The following SBNO1 variants were observed in gnomAD, a reference collection of about 807,000 sequenced individuals.
SBNO1 encodes strawberry notch homolog 1, also known as protein strawberry notch homolog 1.
In SBNO1, 23 loss-of-function variants were observed where a neutral mutation model predicts 173.6. That is an observed-to-expected ratio of 0.13 (90% CI 0.10 to 0.19). The LOEUF (loss-of-function observed/expected upper bound fraction) is 0.19. SBNO1 is among the 10% of genes least tolerant of loss of function. The pLI is 1.00. For synonymous variants in SBNO1, 632 were observed against 571.5 expected (o/e 1.11, Z -1.51); for missense variants, 1,238 against 1,671.2 (o/e 0.74, Z 4.52).
At chr12:123,304,128 G>A (rs1246755149) in intron 29 of SBNO1, among the ~76,000 whole-genome samples, 6 of 151,894 alleles carry the variant, frequency 4.0e-5, no homozygotes, top group South Asian at 2.1e-4. Context: ...ATGAGGTTTC[G>A]CCATATGGGC....
chr12:123,340,447 G>A lies in SBNO1; in HGVS notation c.651+541C>T, dbSNP rs182032974. ...AATACAAAAATTAGCCAAGCATGGT[G>A]GCACATGCCTGTAATCCCAGCTACT... On this transcript the variant is annotated intron_variant, in intron 5 of 31. Coordinates refer to ENST00000602398, the MANE Select transcript of SBNO1 (RefSeq NM_001167856.3). Among the ~76,000 whole-genome samples the A allele has an allele frequency of 4.7e-3, 715 of 151,914 alleles. 5 individuals are homozygous for A. The highest frequency in any genetic ancestry group is 0.017 in the African/African-American group (691 of 41,428).
chr12:123,308,034 T>A (rs2048964259), intron 28 of SBNO1, among the ~76,000 whole-genome samples: 1 of 152,178 alleles, frequency 6.6e-6, no homozygotes, highest in Non-Finnish European at 1.5e-5. Flanking sequence ...ATCGTGCCAC[T>A]GCACTCCAGC....
intron 4 of SBNO1, 129 bp downstream of exon 4, chr12:123,345,129 G>A (rs878907273): frequency 4.0e-6 from 3 of 747,700 alleles, no homozygotes; most frequent in South Asian, 3.6e-5. Flanking sequence ...AAGACTGTAA[G>A]TACGCAAAAT....
intron 9 of SBNO1, 116 bp downstream of exon 9, chr12:123,330,303 G>C: frequency 3.0e-6 from 2 of 667,404 alleles, no homozygotes; most frequent in South Asian, 1.7e-5. Context: ...GCTTTCTGTG[G>C]AGTAACATCA....
chr12:123,354,502 GGACA>G (rs1264038631), intron 1 of SBNO1, among the ~76,000 whole-genome samples: 1 of 152,046 alleles, frequency 6.6e-6, no homozygotes, highest in African/African-American at 2.4e-5. Flanking sequence ...GAGGGAAAGG[GGACA>G]GAGAGAGAAC....
intron 1 of SBNO1, among the ~76,000 whole-genome samples, chr12:123,360,258 A>C (rs1249173442): frequency 1.3e-5 from 2 of 152,046 alleles, no homozygotes; most frequent in East Asian, 3.9e-4. Context: ...AAAAAAAAAA[A>C]AAATGTATCT....
chr12:123,331,463 G>GTTGATA (rs1871196870), intron 7 of SBNO1, 88 bp from the exon 8 acceptor site: 3 of 1,240,668 alleles, frequency 2.4e-6, no homozygotes, highest in Non-Finnish European at 3.4e-6. Context: ...GTAGGAATAT[G>GTTGATA]TTATGTTTTT....
intron 20 of SBNO1, among the ~76,000 whole-genome samples, chr12:123,318,174 A>G (rs1869512114): frequency 6.6e-6 from 1 of 152,136 alleles, no homozygotes; most frequent in Non-Finnish European, 1.5e-5. Context: ...GGCTGGTCTC[A>G]AACTCTTGTA....
intron 30 of SBNO1, among the ~76,000 whole-genome samples, chr12:123,302,402 C>G (rs183708323): frequency 6.6e-6 from 1 of 152,070 alleles, no homozygotes; most frequent in Admixed American, 6.6e-5. Flanking sequence ...GCCATCACAC[C>G]GGCTAATTGT....
chr12:123,346,501 A>G (rs1188095556), intron 3 of SBNO1, among the ~76,000 whole-genome samples: 1 of 151,546 alleles, frequency 6.6e-6, no homozygotes, highest in Non-Finnish European at 1.5e-5. Flanking sequence ...CGTCTCTACT[A>G]AAAATACAAA....
intron 10 of SBNO1, 30 bp from the exon 11 acceptor site, chr12:123,328,057 CATT>C: frequency 6.5e-7 from 1 of 1,549,786 alleles, no homozygotes. Flanking sequence ...GAATGTATCA[CATT>C]AGTATTAAGT....
intron 1 of SBNO1, among the ~76,000 whole-genome samples, chr12:123,351,880 T>C (rs1485791819): frequency 6.6e-6 from 1 of 152,066 alleles, no homozygotes; most frequent in Non-Finnish European, 1.5e-5. Context: ...AGAAAAAGTA[T>C]GAGCTGATGA....
intron 23 of SBNO1, 24 bp downstream of exon 23, chr12:123,315,347 CAG>C: frequency 6.4e-6 from 10 of 1,563,058 alleles, no homozygotes; most frequent in Non-Finnish European, 7.9e-6. Flanking sequence ...CACAAGTTTT[CAG>C]AGATACTGAA....
intron 21 of SBNO1, among the ~76,000 whole-genome samples, chr12:123,316,382 G>A (rs1462834639): frequency 1.3e-5 from 2 of 150,460 alleles, no homozygotes; most frequent in East Asian, 2.0e-4. Context: ...GCACCACCAC[G>A]CCCGGCTAAT....
intron 28 of SBNO1, among the ~76,000 whole-genome samples, chr12:123,306,171 ATTAT>A (rs1465602820): frequency 2.0e-5 from 3 of 152,238 alleles, no homozygotes; most frequent in African/African-American, 7.2e-5. Context: ...TATATTTAAA[ATTAT>A]TTATCAGCTG....
chr12:123,350,537 C>A (rs1016336815), intron 1 of SBNO1, 96 bp from the exon 2 acceptor site: 4 of 973,656 alleles, frequency 4.1e-6, no homozygotes, highest in Non-Finnish European at 6.4e-6. Context: ...CTCTATTAGA[C>A]CCATTCATTC....
intron 6 of SBNO1, 108 bp from the exon 7 acceptor site, chr12:123,334,321 A>T (rs1043057118): frequency 2.8e-6 from 2 of 719,528 alleles, no homozygotes; most frequent in Non-Finnish European, 4.5e-6. Context: ...AAAAATAATT[A>T]AAAAGTATTC....
chr12:123,335,346 C>T (rs921625868), intron 6 of SBNO1, among the ~76,000 whole-genome samples: 12 of 152,070 alleles, frequency 7.9e-5, no homozygotes, highest in Non-Finnish European at 1.5e-4. Flanking sequence ...GGCTGAAGCA[C>T]GAGAATTGCT....
intron 2 of SBNO1, chr12:123,349,211 C>CA (rs1491404747): frequency 6.6e-6 from 1 of 152,066 alleles, no homozygotes; most frequent in Admixed American, 6.6e-5. Context: ...GCGATCCTCC[C>CA]ACCTCAGCCT....
Sources: gnomAD v4.1 joint callset for allele counts (sites outside exome capture counted in the v4.1 genomes callset) on GRCh38, gnomAD v4.1.1 for gene constraint, MANE v1.5 for transcripts, NCBI Gene and HGNC (gene_info 2026-07-23, HGNC 2026-07-21) for gene names.